DST: variants seen among roughly 807,000 people sequenced by gnomAD.
DST encodes dystonin.
In DST, 253 loss-of-function variants were observed where a neutral mutation model predicts 875.2. The ratio of observed to expected loss-of-function variants is 0.29; its 90% CI spans 0.26 to 0.32. DST has a LOEUF of 0.32. DST is among the 10% of genes least tolerant of loss of function. The pLI is 1.00. For synonymous variants in DST, 3,124 were observed against 3,197.1 expected, an observed-to-expected ratio of 0.98 and a Z score of 0.77; for missense variants, 8,287 against 9,111.6, an observed-to-expected ratio of 0.91 and a Z score of 3.68.
intron 2 of DST, among the ~76,000 whole-genome samples, chr6:56,938,651 C>T (rs1441990857): frequency 6.6e-6 from 1 of 152,230 alleles, no homozygotes; most frequent in African/African-American, 2.4e-5. Context: ...CCTATCAGGA[C>T]TCTTCTCTAC....
chr6:56,632,730 T>A (rs182104786), intron 28 of DST, 124 bp downstream of exon 28: 2 of 760,518 alleles, frequency 2.6e-6, no homozygotes, highest in African/African-American at 3.5e-5. Context: ...GTTCCACCAA[T>A]TGTGTCTACA....
rs192974811 is a variant in DST at position 56,819,478 on chromosome 6, G to A, written c.625+31919C>T. 5.3e-5 allele frequency among the ~76,000 whole-genome samples: 8 copies of A among 152,074 alleles called. No individual in the cohort carries two copies. In the East Asian group the frequency reaches 5.8e-4, roughly 11 times the overall value. ...TTTACTTAGTGAAATTATATACAAC[G>A]GCATACATTGATTAGTTATAATTAG... On this transcript the variant is annotated intron_variant, in intron 4 of 103. Coordinates refer to ENST00000680361, the MANE Select transcript of DST (RefSeq NM_001374736.1).
intron 4 of DST, among the ~76,000 whole-genome samples, chr6:56,817,456 A>G (rs1029416836): frequency 1.3e-5 from 2 of 152,176 alleles, no homozygotes; most frequent in Non-Finnish European, 2.9e-5. Flanking sequence ...TGAAAATAAA[A>G]CTTTTGATGG....
At chr6:56,694,216 T>TA (rs10660963) in intron 9 of DST, among the ~76,000 whole-genome samples, 13,306 of 138,390 alleles carry the variant, frequency 0.096, 1,041 homozygotes, top group East Asian at 0.23. Flanking sequence ...ATAGATATGG[T>TA]AAAAAAAAAA....
chr6:56,599,952 G>A lies in DST; in HGVS notation c.11694+117C>T. ...CTCAAGCCCAGGGCGTCTTGGGTAT[G>A]CCTTGCTTCTAAAAAGCTAAAATTA... is the stretch of plus-strand genomic sequence containing the variant. On this transcript the variant is annotated intron_variant, in intron 45 of 103. Transcript: ENST00000680361. The A allele has an allele frequency of 3.2e-6, 3 of 933,538 alleles. No individual in the cohort carries two copies. The South Asian group carries it at 6.5e-5, about 20-fold the overall frequency. 57.8% of individuals were successfully genotyped at this position (933,538 alleles called of 1,614,324 possible).
Position 56,651,110 on chromosome 6 carries a change from T to C in DST, c.1327+22A>G, listed in dbSNP as rs2098973525. On this transcript the variant is annotated intron_variant, in intron 11 of 103. Coordinates refer to ENST00000680361, the MANE Select transcript of DST (RefSeq NM_001374736.1). Reference sequence around the variant, plus strand: ...GATCAGACTTTCATGCCAGTCCACATATAATCAAGAAAATAACTCACCTTC... The same window carrying C: ...GATCAGACTTTCATGCCAGTCCACACATAATCAAGAAAATAACTCACCTTC... The C allele has an allele frequency of 2.5e-6, 4 of 1,593,536 alleles. No individual in the cohort carries two copies. In the African/African-American group the frequency reaches 4.0e-5, roughly 16 times the overall value.
chr6:56,668,563 GA>G (rs2099083598), intron 10 of DST, among the ~76,000 whole-genome samples: 1 of 151,888 alleles, frequency 6.6e-6, no homozygotes, highest in South Asian at 2.1e-4. Flanking sequence ...CTGACATGGT[GA>G]AATCCTGTCT....
Position 56,608,716 on chromosome 6 carries a change from C to A in DST, c.5912G>T (p.Arg1971Ile). The A allele has an allele frequency of 6.2e-7, 1 of 1,611,474 alleles. No individual in the cohort carries two copies. Among genetic ancestry groups the A allele is most frequent in the Non-Finnish European group, 8.5e-7 (1 of 1,178,736 alleles). The part of the protein sequence containing the change: ...LKCGRNISIL[R>I]AAHEGLIDRE... ...GTCTATGAGACCTTCATGAGCTGCTCTTAAAATGCTTATGTTTCTTCCACA... is the reference window on the plus strand; with the variant it reads ...GTCTATGAGACCTTCATGAGCTGCTATTAAAATGCTTATGTTTCTTCCACA... The change falls in exon 40 of 104, where the codon AGA becomes ATA. Residue 1971 changes from arginine to isoleucine, a missense_variant. Transcript: ENST00000680361.
chr6:56,938,108 C>CTCTCTCTCTCTCTCTCTATATATATA (rs1383243392), intron 2 of DST, among the ~76,000 whole-genome samples: 15 of 120,728 alleles, frequency 1.2e-4, no homozygotes, highest in African/African-American at 4.9e-4. Flanking sequence ...CTCTCTCTCT[C>CTCTCTCTCTCTCTCTCTATATATATA]TATATATATA....
intron 88 of DST, chr6:56,484,504 T>A (rs2095500152): frequency 6.6e-6 from 1 of 152,160 alleles, no homozygotes; most frequent in Admixed American, 6.5e-5. Context: ...ATAAATGGAA[T>A]AAGTTTTCTG....
rs375139773 is a variant in DST, at chr6:56,608,690, G to T, written c.5938C>A (p.Arg1980Ser). 1 of 1,612,720 alleles carries T rather than the reference G, an allele frequency of 6.2e-7. No individual in the cohort carries two copies. Among genetic ancestry groups the T allele is most frequent in the Non-Finnish European group, 8.5e-7 (1 of 1,179,358 alleles). The change falls in exon 40 of 104, where the codon CGT becomes AGT. Residue 1980 changes from arginine to serine, a missense_variant. Physicochemically the swap from Arg to Ser is moderately radical, Grantham distance 110 (BLOSUM62 -1). Coordinates refer to ENST00000680361, the MANE Select transcript of DST (RefSeq NM_001374736.1). ...CTTAACAACCTAAACATGGTTTCACGGTCTATGAGACCTTCATGAGCTGCT... is the reference window on the plus strand; with the variant it reads ...CTTAACAACCTAAACATGGTTTCACTGTCTATGAGACCTTCATGAGCTGCT... ...LRAAHEGLID[R>S]ETMFRLLSAQ...
At chr6:56,884,482 G>C (rs78883600) in intron 3 of DST, among the ~76,000 whole-genome samples, 2,335 of 152,222 alleles carry the variant, frequency 0.015, 64 homozygotes, top group African/African-American at 0.053. Flanking sequence ...TACTTTATAA[G>C]TATTTTTGTA....
chr6:56,837,137 C>G (rs2099794756), intron 4 of DST, among the ~76,000 whole-genome samples: 1 of 152,170 alleles, frequency 6.6e-6, no homozygotes, highest in African/African-American at 2.4e-5. Flanking sequence ...CTAGGGCACA[C>G]TACTTGCTGT....
At chr6:56,582,682 T>A (rs1459047610) in intron 49 of DST, among the ~76,000 whole-genome samples, 1 of 151,776 alleles carries the variant, frequency 6.6e-6, no homozygotes, top group Non-Finnish European at 1.5e-5. Context: ...GCCATGCTGG[T>A]GTGCTGCACC....
intron 84 of DST, 21 bp downstream of exon 84, chr6:56,492,913 T>A: frequency 3.4e-6 from 5 of 1,475,000 alleles, no homozygotes; most frequent in Non-Finnish European, 4.5e-6. Flanking sequence ...GAGAATCCTA[T>A]CTATTTGACT....
At chr6:56,497,647 T>G in intron 81 of DST, 140 bp from the exon 82 acceptor site, 1 of 1,114,158 alleles carries the variant, frequency 9.0e-7, no homozygotes, top group African/African-American at 1.6e-5. Flanking sequence ...TTGCCTTTCT[T>G]CATCAGGAGA....
chr6:56,761,928 T>G (rs1296825100), intron 4 of DST, among the ~76,000 whole-genome samples: 1 of 152,230 alleles, frequency 6.6e-6, no homozygotes, highest in Admixed American at 6.5e-5. Flanking sequence ...GTGCACCTTA[T>G]AGCTGAGTAT....
At chr6:56,497,549 T>A in intron 81 of DST, 42 bp from the exon 82 acceptor site, 7 of 1,600,870 alleles carry the variant, frequency 4.4e-6, no homozygotes, top group Non-Finnish European at 6.0e-6. Flanking sequence ...ATAAACACTG[T>A]CAGTTTCAAG....
rs2096861886 is a variant in DST at position 56,529,677 on chromosome 6, T to A, written c.17366A>T (p.Asp5789Val). 1.2e-6 allele frequency: 2 copies of A among 1,613,618 alleles called. No homozygotes were observed. Among genetic ancestry groups the A allele is most frequent in the Admixed American group, 3.3e-5 (2 of 59,966 alleles). Residue 5789 changes from aspartate to valine, a missense_variant, in exon 66 of 104, where the codon GAT becomes GTT. Transcript: ENST00000680361. The stretch of plus-strand genomic sequence containing the variant: ...GAAGTCTAATTTACTCTGCACCATA[T>A]CTTTATCCTCCCTGGAGCTCAAAAC... ...LKVLSSREDK[D>V]MVQSKLDFSQ...
Sources: allele counts gnomAD v4.1 joint callset (sites outside exome capture counted in the v4.1 genomes callset), GRCh38; gene constraint gnomAD v4.1.1; transcripts MANE v1.5; gene names NCBI Gene and HGNC (gene_info 2026-07-23, HGNC 2026-07-21).